The following FGF13 variants were observed in gnomAD, a reference collection of about 807,000 sequenced individuals.
FGF13 encodes the protein fibroblast growth factor 13, also known as fibroblast growth factor homologous factor 2.
A neutral mutation model predicts 19.5 loss-of-function variants in FGF13; 2 were observed. That is an observed-to-expected ratio of 0.10 (90% CI 0.04 to 0.32). The LOEUF (loss-of-function observed/expected upper bound fraction) is 0.32, where lower values mean the gene tolerates loss of function less well. FGF13 is among the 10% of genes least tolerant of loss of function. The pLI is 1.00. For synonymous variants in FGF13, 72 were observed against 76.9 expected, an observed-to-expected ratio of 0.94 and a Z score of 0.33; for missense variants, 113 against 192.7, an observed-to-expected ratio of 0.59 and a Z score of 2.45.
chrX:138,973,538 ATGTT>A (rs2124321362), intron 1 of FGF13, among the ~76,000 whole-genome samples: 1 of 111,781 alleles, frequency 8.9e-6, no homozygotes, highest in South Asian at 3.7e-4. Flanking sequence ...TTTAACTCTA[ATGTT>A]TGTTTGTTGA....
chrX:138,949,658 T>G (rs1030001307), intron 1 of FGF13, among the ~76,000 whole-genome samples: 5 of 111,773 alleles, frequency 4.5e-5, no homozygotes, highest in African/African-American at 1.6e-4. Flanking sequence ...GATGGATATA[T>G]GTTTAGCAGA....
intron 1 of FGF13, among the ~76,000 whole-genome samples, chrX:138,893,480 G>A (rs2091487907): frequency 9.0e-6 from 1 of 110,955 alleles, no homozygotes. Flanking sequence ...GGAAGCTGAT[G>A]CCTAGAGAGA....
chrX:138,811,046 A>C (rs1040254872), intron 3 of FGF13, among the ~76,000 whole-genome samples: 2 of 112,190 alleles, frequency 1.8e-5, no homozygotes, highest in Admixed American at 1.9e-4. Context: ...GCGATTCCTT[A>C]AGGATCTAGA....
At chrX:138,948,596 C>T in intron 1 of FGF13, among the ~76,000 whole-genome samples, 1 of 111,891 alleles carries the variant, frequency 8.9e-6, no homozygotes, top group Admixed American at 9.5e-5. Flanking sequence ...AGGGCTCTAA[C>T]ATTTCCAGAA....
At chrX:138,892,354 G>A (rs1283759522) in intron 1 of FGF13, among the ~76,000 whole-genome samples, 2 of 111,537 alleles carry the variant, frequency 1.8e-5, no homozygotes, top group Non-Finnish European at 3.8e-5. Flanking sequence ...ATTAAGTACA[G>A]TGTCTGACAC....
At chrX:138,801,196 G>T (rs1052665783) in intron 3 of FGF13, among the ~76,000 whole-genome samples, 1 of 112,502 alleles carries the variant, frequency 8.9e-6, no homozygotes, top group Non-Finnish European at 1.9e-5. Context: ...TTTTGTGCTG[G>T]TTTTTCCTCA....
At chrX:138,837,135 C>T (rs1257453148) in intron 3 of FGF13, among the ~76,000 whole-genome samples, 1 of 112,176 alleles carries the variant, frequency 8.9e-6, no homozygotes, top group African/African-American at 3.3e-5. Context: ...TGGTCTTGCC[C>T]AGTTAGGAGG....
intron 1 of FGF13, among the ~76,000 whole-genome samples, chrX:139,163,410 G>T (rs997796996): frequency 9.0e-5 from 10 of 110,709 alleles, no homozygotes; most frequent in Admixed American, 2.9e-4. Context: ...GGGCCTAGGG[G>T]AGGGATAGCA....
intron 1 of FGF13, among the ~76,000 whole-genome samples, chrX:139,089,690 T>C (rs1314673704): frequency 8.9e-6 from 1 of 112,141 alleles, no homozygotes; most frequent in Non-Finnish European, 1.9e-5. Context: ...GCTCTCATCA[T>C]CTATAAAATG....
At chrX:138,953,883 T>C (rs1232865422) in intron 1 of FGF13, among the ~76,000 whole-genome samples, 1 of 109,134 alleles carries the variant, frequency 9.2e-6, no homozygotes, top group Non-Finnish European at 1.9e-5. Context: ...AACCAACATG[T>C]GGTAAAAAAA....
chrX:138,839,050 G>A (rs912046201), intron 3 of FGF13, among the ~76,000 whole-genome samples: 3 of 111,405 alleles, frequency 2.7e-5, no homozygotes, highest in Non-Finnish European at 3.8e-5. Context: ...TAATTAGGGC[G>A]TGAAGGCTCT....
chrX:138,872,337 T>C (rs1259933179), intron 1 of FGF13, among the ~76,000 whole-genome samples: 2 of 112,153 alleles, frequency 1.8e-5, no homozygotes, highest in Non-Finnish European at 3.8e-5. Flanking sequence ...CTGTGGTGTC[T>C]CATTGCACTA....
At chrX:139,022,139 G>A (rs2092180468) in intron 1 of FGF13, among the ~76,000 whole-genome samples, 1 of 111,452 alleles carries the variant, frequency 9.0e-6, no homozygotes, top group Admixed American at 9.6e-5. Flanking sequence ...GATGGGACAG[G>A]AGCAAGAGGA....
intron 1 of FGF13, among the ~76,000 whole-genome samples, chrX:139,013,481 A>ATT (rs1461676799): frequency 9.8e-3 from 6 of 612 alleles, no homozygotes; most frequent in African/African-American, 0.018. Flanking sequence ...AGAAAATTTT[A>ATT]TATATATATA....
intron 1 of FGF13, among the ~76,000 whole-genome samples, chrX:139,109,903 T>C (rs1248494852): frequency 9.0e-6 from 1 of 111,612 alleles, no homozygotes; most frequent in Non-Finnish European, 1.9e-5. Context: ...GAGGAAAAGA[T>C]CATTTACCAA....
At chrX:138,744,760 G>A (rs911557012) in intron 3 of FGF13, among the ~76,000 whole-genome samples, 16 of 111,697 alleles carry the variant, frequency 1.4e-4, no homozygotes, top group African/African-American at 4.9e-4. Flanking sequence ...TTAAAGGAAC[G>A]AGTCTAAATG....
chrX:139,199,963 G>T (rs1473066048), intron 1 of FGF13, among the ~76,000 whole-genome samples: 1 of 111,817 alleles, frequency 8.9e-6, no homozygotes, highest in Non-Finnish European at 1.9e-5. Context: ...AGAGGATTTG[G>T]GTATAATGTG....
chrX:138,937,801 C>T (rs1231581710), intron 1 of FGF13, among the ~76,000 whole-genome samples: 1 of 111,856 alleles, frequency 8.9e-6, no homozygotes, highest in African/African-American at 3.3e-5. Flanking sequence ...AGTTGACTGC[C>T]CTTTAGTATT....
At chrX:138,652,147 T>A (rs1034173906) in intron 3 of FGF13, among the ~76,000 whole-genome samples, 1 of 111,323 alleles carries the variant, frequency 9.0e-6, no homozygotes, top group Non-Finnish European at 1.9e-5. Flanking sequence ...CCCTTTAATA[T>A]GCTAAGCATA....
Sources: allele counts gnomAD v4.1 joint callset (sites outside exome capture counted in the v4.1 genomes callset), GRCh38; gene constraint gnomAD v4.1.1; transcripts MANE v1.5; gene names NCBI Gene and HGNC (gene_info 2026-07-23, HGNC 2026-07-21).